RIMBP2: variants seen among roughly 807,000 people sequenced by gnomAD.
The protein encoded by RIMBP2 is RIMS-binding protein 2.
Under a neutral mutation model 118.6 loss-of-function variants are expected in RIMBP2, and 48 were observed. The ratio of observed to expected loss-of-function variants is 0.40; its 90% CI spans 0.32 to 0.51. The LOEUF is 0.51. Ranked by LOEUF, RIMBP2 falls within the 20% of genes least tolerant of loss-of-function variation. The probability of loss-of-function intolerance (pLI) is 0.41; values close to 1 mark genes in which losing one functional copy is unlikely to be tolerated. For synonymous variants in RIMBP2, 762 were observed against 742.9 expected (o/e 1.03, Z -0.42); for missense variants, 1,551 against 1,768.3 (o/e 0.88, Z 2.20).
At chr12:130,632,222 G>A (rs1434809120) in intron 1 of RIMBP2, among the ~76,000 whole-genome samples, 3 of 152,208 alleles carry the variant, frequency 2.0e-5, no homozygotes, top group Admixed American at 6.5e-5. Context: ...GAGGCACATC[G>A]TCGTCATTGC....
chr12:130,447,515 A>G lies in RIMBP2; in HGVS notation c.582-2246T>C, dbSNP rs1037762155. On this transcript the variant is annotated intron_variant, in intron 9 of 22. Transcript: ENST00000690449. The surrounding 1 kb of genome is among the most constrained non-coding windows in gnomAD (Gnocchi z 4.4). ...GAGGGACAGGTGATCACTGATGGGA[A>G]TGGGTTCTTGAGGGGCGATGGGAGA... Among the ~76,000 whole-genome samples, 1 of 151,468 alleles carries G rather than the reference A, an allele frequency of 6.6e-6. No individual in the cohort carries two copies. The highest frequency in any genetic ancestry group is 2.1e-4 in the South Asian group (1 of 4,788).
At chr12:130,479,112 G>A in intron 4 of RIMBP2, 96 bp from the exon 5 acceptor site, 3 of 986,520 alleles carry the variant, frequency 3.0e-6, no homozygotes, top group Non-Finnish European at 4.5e-6. Flanking sequence ...ACTCAGCCCG[G>A]TCACTCCAGA....
intron 1 of RIMBP2, among the ~76,000 whole-genome samples, chr12:130,689,288 C>A (rs1196166743): frequency 6.6e-6 from 1 of 152,088 alleles, no homozygotes; most frequent in Non-Finnish European, 1.5e-5. Context: ...CAAAAATTAG[C>A]TGAGTGTGGT....
chr12:130,642,895 GCTCA>G (rs1241098995), intron 1 of RIMBP2, among the ~76,000 whole-genome samples: 1 of 152,164 alleles, frequency 6.6e-6, no homozygotes, highest in Non-Finnish European at 1.5e-5. Flanking sequence ...CCACACTGCC[GCTCA>G]CTGAGAGAGG....
chr12:130,663,346 C>G (rs772230619), intron 1 of RIMBP2, among the ~76,000 whole-genome samples: 1 of 152,184 alleles, frequency 6.6e-6, no homozygotes, highest in Non-Finnish European at 1.5e-5. Context: ...AATTTCTGGC[C>G]TTTCATGGAT....
In RIMBP2 at chr12:130,625,132, G is replaced by A. The variant is rs185867572; in HGVS notation, c.-217+3190C>T. On this transcript the variant is annotated intron_variant, in intron 2 of 22. Coordinates refer to ENST00000690449, the MANE Select transcript of RIMBP2 (RefSeq NM_001393629.1). ...TGTGAAAGTCAAATCAGGGTAATTA[G>A]GATATTTATTACATTAATCTTTTTA... 4.6e-5 allele frequency among the ~76,000 whole-genome samples: 7 copies of A among 152,188 alleles called. No individual in the cohort carries two copies. In the East Asian group the frequency reaches 5.8e-4, roughly 13 times the overall value.
At chr12:130,646,912 T>G (rs1264976518) in intron 1 of RIMBP2, among the ~76,000 whole-genome samples, 1 of 152,178 alleles carries the variant, frequency 6.6e-6, no homozygotes, top group African/African-American at 2.4e-5. Context: ...GGAGCCACAT[T>G]GGTGTTTGCC....
At chr12:130,428,367 G>C (rs79600223) in intron 14 of RIMBP2, 30 bp from the exon 15 acceptor site, 2 of 1,586,134 alleles carry the variant, frequency 1.3e-6, no homozygotes, top group South Asian at 1.1e-5. Flanking sequence ...GCTACTGAGC[G>C]GGTGGCTCCT....
At chr12:130,594,743 T>C (rs1566329699) in intron 2 of RIMBP2, among the ~76,000 whole-genome samples, 1 of 152,194 alleles carries the variant, frequency 6.6e-6, no homozygotes, top group Admixed American at 6.5e-5. Flanking sequence ...GATTACTATA[T>C]CTCTATGTAC....
chr12:130,422,496 G>A lies in RIMBP2; in HGVS notation c.3195C>T (p.Ser1065=), dbSNP rs1052760558. 6.2e-6 allele frequency: 10 copies of A among 1,613,230 alleles called. No homozygotes were observed. The highest frequency in any genetic ancestry group is 1.7e-5 in the Admixed American group (1 of 59,990). Residue 1065 remains serine, a synonymous_variant, in exon 17 of 23, where the codon AGC becomes AGT. Transcript: ENST00000690449. The surrounding 1 kb of genome is among the most constrained non-coding windows in gnomAD (Gnocchi z 5.2). ...CGGGCCGGGACCTCTGAGGACCAGC[G>A]CTGCCACGGGGAAACCTCCGGCCCA... is the stretch of plus-strand genomic sequence containing the variant. ...DHMGRRFPRG[S]AGPQRSRPVT...
intron 2 of RIMBP2, among the ~76,000 whole-genome samples, chr12:130,593,584 G>A (rs565321148): frequency 3.3e-4 from 51 of 152,370 alleles, no homozygotes; most frequent in African/African-American, 1.2e-3. Context: ...TGGGCTGGAT[G>A]GCGACGTGAG....
At chr12:130,507,724 T>A (rs2050503057) in intron 3 of RIMBP2, among the ~76,000 whole-genome samples, 1 of 152,222 alleles carries the variant, frequency 6.6e-6, no homozygotes, top group Non-Finnish European at 1.5e-5. Flanking sequence ...TCCCATTCAT[T>A]TTCATTGTGG....
chr12:130,486,026 C>T (rs2082441526), intron 4 of RIMBP2, among the ~76,000 whole-genome samples: 1 of 152,136 alleles, frequency 6.6e-6, no homozygotes, highest in African/African-American at 2.4e-5. Flanking sequence ...TTGGCTTCAG[C>T]ATCTATCTCT....
chr12:130,508,711 G>C (rs1433691804), intron 3 of RIMBP2, among the ~76,000 whole-genome samples: 1 of 152,142 alleles, frequency 6.6e-6, no homozygotes, highest in African/African-American at 2.4e-5. Context: ...CTCCTCATTG[G>C]AACAGAAGTG....
At chr12:130,532,101 G>T (rs1384239061) in intron 2 of RIMBP2, among the ~76,000 whole-genome samples, 1 of 128,702 alleles carries the variant, frequency 7.8e-6, no homozygotes, top group Non-Finnish European at 1.6e-5. Context: ...CCTCTAGGAG[G>T]GACGTCTAAT....
chr12:130,517,407 G>A (rs1238166701), intron 3 of RIMBP2, among the ~76,000 whole-genome samples: 1 of 152,084 alleles, frequency 6.6e-6, no homozygotes, highest in East Asian at 1.9e-4. Context: ...CAAGTTTCAG[G>A]TATTCTGTTA....
rs1489420592 is a variant in RIMBP2 at position 130,623,026 on chromosome 12, G to A, written c.-217+5296C>T. On this transcript the variant is annotated intron_variant, in intron 2 of 22. Transcript: ENST00000690449. The surrounding 1 kb of genome is among the most constrained non-coding windows in gnomAD (Gnocchi z 4.1). ...GGGCCATTTCCTTCTAGTATCAATG[G>A]TTTCTTATCTCAACAAATATTTGCC... Among the ~76,000 whole-genome samples, 1 of 152,214 alleles carries A rather than the reference G, an allele frequency of 6.6e-6. No homozygotes were observed. The highest frequency in any genetic ancestry group is 1.5e-5 in the Non-Finnish European group (1 of 68,042).
At chr12:130,553,287 A>T in intron 2 of RIMBP2, among the ~76,000 whole-genome samples, 1 of 152,178 alleles carries the variant, frequency 6.6e-6, no homozygotes, top group South Asian at 2.1e-4. Context: ...AACACATACT[A>T]TTATTATAAC....
At position 130,621,767 on chromosome 12, in the gene RIMBP2, C is replaced by T. The variant is rs551433707; in HGVS notation, c.-217+6555G>A. Reference sequence around the variant, plus strand: ...ATAGCTGGAAGTGTGACTATTTCCTCGACATTTCCAAAACTCTTGCCAAAC... The same window carrying T: ...ATAGCTGGAAGTGTGACTATTTCCTTGACATTTCCAAAACTCTTGCCAAAC... On this transcript the variant is annotated intron_variant, in intron 2 of 22. Coordinates refer to ENST00000690449, the MANE Select transcript of RIMBP2 (RefSeq NM_001393629.1). This position sits in a 1 kb window ranked among gnomAD's most constrained non-coding sequence, Gnocchi z 6.6. 4.2e-4 allele frequency among the ~76,000 whole-genome samples: 64 copies of T among 152,248 alleles called. No homozygotes were observed. The highest frequency in any genetic ancestry group is 3.9e-3 in the East Asian group (20 of 5,174).
Sources: allele counts gnomAD v4.1 joint callset (sites outside exome capture counted in the v4.1 genomes callset), GRCh38; gene constraint gnomAD v4.1.1; non-coding constraint Gnocchi (gnomAD v3.1); transcripts MANE v1.5; gene names NCBI Gene and HGNC (gene_info 2026-07-23, HGNC 2026-07-21).